The following ANKS1B variants were observed in gnomAD, a reference collection of about 807,000 sequenced individuals.
ANKS1B encodes the protein ankyrin repeat and sterile alpha motif domain-containing protein 1B.
ANKS1B carries 36 observed loss-of-function variants against 148.3 expected under a neutral mutation model. The observed-to-expected ratio is 0.24, with a 90% CI of 0.19 to 0.32. ANKS1B has a LOEUF of 0.32. Among genes scored for constraint, ANKS1B ranks in the 10% least tolerant of loss-of-function variants. The probability of loss-of-function intolerance (pLI) is 1.00; values close to 1 mark genes in which losing one functional copy is unlikely to be tolerated. For synonymous variants in ANKS1B, 542 were observed against 560.8 expected, an observed-to-expected ratio of 0.97 and a Z score of 0.47; for missense variants, 1,157 against 1,542.6, an observed-to-expected ratio of 0.75 and a Z score of 4.19.
chr12:99,366,742 G>A (rs1005945011), intron 12 of ANKS1B, among the ~76,000 whole-genome samples: 1 of 151,992 alleles, frequency 6.6e-6, no homozygotes, highest in Non-Finnish European at 1.5e-5. Context: ...AGATCTAGAG[G>A]AAAACACAGT....
At chr12:99,161,573 G>A (rs2153830410) in intron 14 of ANKS1B, among the ~76,000 whole-genome samples, 1 of 152,078 alleles carries the variant, frequency 6.6e-6, no homozygotes, top group South Asian at 2.1e-4. Context: ...GAGATATTCT[G>A]GTGACAAACA....
At chr12:99,710,908 T>C (rs1179353102) in intron 8 of ANKS1B, among the ~76,000 whole-genome samples, 1 of 152,106 alleles carries the variant, frequency 6.6e-6, no homozygotes, top group African/African-American at 2.4e-5. Context: ...ACTCTTTCCA[T>C]TATAATTCAG....
At chr12:99,566,237 T>C (rs972741496) in intron 9 of ANKS1B, among the ~76,000 whole-genome samples, 2 of 152,188 alleles carry the variant, frequency 1.3e-5, no homozygotes, top group Middle Eastern at 3.2e-3. Context: ...TGCATTCTAT[T>C]ACAAGCAGTA....
chr12:99,919,787 A>AAAAAAC (rs1555246036), intron 1 of ANKS1B, among the ~76,000 whole-genome samples: 1 of 151,924 alleles, frequency 6.6e-6, no homozygotes, highest in Non-Finnish European at 1.5e-5. Context: ...GTTAAAAAAA[A>AAAAAAC]AAAAAAACCT....
intron 9 of ANKS1B, among the ~76,000 whole-genome samples, chr12:99,553,132 T>G (rs893385832): frequency 2.0e-5 from 3 of 152,012 alleles, no homozygotes; most frequent in Non-Finnish European, 4.4e-5. Flanking sequence ...TCACAATAGT[T>G]GGAGCTTCAA....
At chr12:98,865,973 C>T (rs1036216082) in intron 17 of ANKS1B, among the ~76,000 whole-genome samples, 1 of 152,126 alleles carries the variant, frequency 6.6e-6, no homozygotes, top group Non-Finnish European at 1.5e-5. Flanking sequence ...GCCGTCTTCT[C>T]ACTGTAACCT....
chr12:99,565,114 A>G (rs1319889836), intron 9 of ANKS1B, among the ~76,000 whole-genome samples: 1 of 152,230 alleles, frequency 6.6e-6, no homozygotes, highest in Non-Finnish European at 1.5e-5. Context: ...TCCCTGTATT[A>G]TTTCTAAATT....
intron 12 of ANKS1B, among the ~76,000 whole-genome samples, chr12:99,284,196 C>A (rs1385350212): frequency 6.6e-6 from 1 of 152,160 alleles, no homozygotes; most frequent in Non-Finnish European, 1.5e-5. Context: ...CAAGCAGATT[C>A]TTTTTCAAGT....
chr12:99,426,158 G>A (rs144270520), intron 11 of ANKS1B, among the ~76,000 whole-genome samples: 137 of 151,448 alleles, frequency 9.0e-4, no homozygotes, highest in African/African-American at 2.9e-3. Context: ...ATTAATCACC[G>A]TCAATATTTC....
At chr12:99,709,470 G>T (rs1248014747) in intron 8 of ANKS1B, among the ~76,000 whole-genome samples, 1 of 152,060 alleles carries the variant, frequency 6.6e-6, no homozygotes, top group East Asian at 1.9e-4. Context: ...CAGAGTTACA[G>T]GTTTTACAAA....
chr12:99,592,988 G>A (rs1312208568), intron 9 of ANKS1B, among the ~76,000 whole-genome samples: 1 of 152,144 alleles, frequency 6.6e-6, no homozygotes, highest in African/African-American at 2.4e-5. Flanking sequence ...TGAATGTCTA[G>A]GTTATGATAA....
intron 17 of ANKS1B, among the ~76,000 whole-genome samples, chr12:98,954,936 C>T (rs2099859895): frequency 6.6e-6 from 1 of 151,992 alleles, no homozygotes; most frequent in Admixed American, 6.6e-5. Context: ...CCCTCCTGCC[C>T]ACCCTCCATT....
chr12:99,454,205 A>C (rs10860442), intron 10 of ANKS1B, among the ~76,000 whole-genome samples: 29,217 of 152,206 alleles, frequency 0.19, 3,005 homozygotes, highest in Middle Eastern at 0.24. Context: ...TATAAAAAGA[A>C]AACAAAATTG....
intron 26 of ANKS1B, among the ~76,000 whole-genome samples, chr12:98,749,649 G>A (rs963188278): frequency 2.6e-5 from 4 of 152,114 alleles, no homozygotes; most frequent in African/African-American, 9.7e-5. Context: ...TGGCATAAAG[G>A]CCTCAGGTAG....
intron 1 of ANKS1B, among the ~76,000 whole-genome samples, chr12:99,842,303 G>C (rs928054664): frequency 6.6e-6 from 1 of 152,032 alleles, no homozygotes; most frequent in Non-Finnish European, 1.5e-5. Context: ...AGTCAGAAAA[G>C]AATTCTTCAA....
intron 9 of ANKS1B, among the ~76,000 whole-genome samples, chr12:99,530,762 G>C (rs554946727): frequency 6.6e-6 from 1 of 152,230 alleles, no homozygotes; most frequent in East Asian, 1.9e-4. Context: ...GAGATCCACA[G>C]CTTCATACCA....
At chr12:99,262,682 T>A (rs917537498) in intron 12 of ANKS1B, among the ~76,000 whole-genome samples, 2 of 152,130 alleles carry the variant, frequency 1.3e-5, no homozygotes, top group South Asian at 4.1e-4. Context: ...TTAAAAAAAA[T>A]TTAAATCTCA....
At chr12:98,876,556 T>C (rs1156589731) in intron 17 of ANKS1B, among the ~76,000 whole-genome samples, 1 of 152,226 alleles carries the variant, frequency 6.6e-6, no homozygotes, top group African/African-American at 2.4e-5. Flanking sequence ...TCTAGCACCA[T>C]ACCTGGCCCA....
chr12:99,281,721 A>G (rs2078484473), intron 12 of ANKS1B, among the ~76,000 whole-genome samples: 1 of 152,232 alleles, frequency 6.6e-6, no homozygotes, highest in Non-Finnish European at 1.5e-5. Context: ...AAGCAATTTC[A>G]TTAATAGAGA....
Sources: allele counts gnomAD v4.1 joint callset (sites outside exome capture counted in the v4.1 genomes callset), GRCh38; gene constraint gnomAD v4.1.1; transcripts MANE v1.5; gene names NCBI Gene and HGNC (gene_info 2026-07-23, HGNC 2026-07-21).